SPEF2: variants seen among roughly 807,000 people sequenced by gnomAD.
SPEF2 encodes the protein sperm flagella and cilia-associated protein 2.
A neutral mutation model predicts 224.6 loss-of-function variants in SPEF2; 187 were observed. The observed-to-expected ratio is 0.83, with a 90% CI of 0.74 to 0.94. The LOEUF (loss-of-function observed/expected upper bound fraction) is 0.94. SPEF2 is among the 40% of genes least tolerant of loss of function. The pLI, the probability that SPEF2 is intolerant of heterozygous loss-of-function variation, is 0.00. For missense variants in SPEF2, 2,170 were observed against 2,135.6 expected (o/e 1.02, Z -0.32); for synonymous variants, 715 against 707.3 (o/e 1.01, Z -0.17).
At chr5:35,690,639 A>C (rs563806898) in intron 10 of SPEF2, among the ~76,000 whole-genome samples, 62 of 152,244 alleles carry the variant, frequency 4.1e-4, no homozygotes, top group Non-Finnish European at 6.8e-4. Context: ...GATGTTGAGC[A>C]TGAAAATTCT....
At chr5:35,796,968 A>G (rs1756754215) in intron 33 of SPEF2, among the ~76,000 whole-genome samples, 1 of 152,154 alleles carries the variant, frequency 6.6e-6, no homozygotes, top group African/African-American at 2.4e-5. Context: ...CTGAAAACCA[A>G]TTATCCTGGA....
intron 33 of SPEF2, 95 bp from the exon 34 acceptor site, chr5:35,799,873 T>G (rs547435866): frequency 1.4e-5 from 19 of 1,363,052 alleles, no homozygotes; most frequent in Non-Finnish European, 1.9e-5. Context: ...AAGGCAACCT[T>G]ATTCCAAAGC....
chr5:35,692,809 C>A, intron 12 of SPEF2, 85 bp downstream of exon 12: 1 of 1,348,898 alleles, frequency 7.4e-7, no homozygotes, highest in South Asian at 1.5e-5. Flanking sequence ...TTCTCTAGAC[C>A]AGAAGTTTCT....
intron 30 of SPEF2, chr5:35,788,707 C>A (rs1456024869): frequency 7.1e-6 from 5 of 702,992 alleles, no homozygotes; most frequent in East Asian, 2.7e-5. Flanking sequence ...AGGGAGAGAA[C>A]AACGAGGTGG....
chr5:35,752,278 A>G (rs1371296869), intron 23 of SPEF2, among the ~76,000 whole-genome samples: 2 of 151,916 alleles, frequency 1.3e-5, no homozygotes, highest in Admixed American at 6.6e-5. Context: ...CACATAATAA[A>G]TGTTTAGTGA....
intron 26 of SPEF2, among the ~76,000 whole-genome samples, chr5:35,769,827 A>G (rs981851165): frequency 6.6e-6 from 1 of 151,994 alleles, no homozygotes; most frequent in African/African-American, 2.4e-5. Context: ...TGCCTTATTC[A>G]TTTTTCTATT....
chr5:35,748,216 A>G (rs909241777), intron 23 of SPEF2, among the ~76,000 whole-genome samples: 2 of 152,130 alleles, frequency 1.3e-5, no homozygotes, highest in Non-Finnish European at 2.9e-5. Context: ...CTAAATGCCT[A>G]CATCAAAAAG....
intron 20 of SPEF2, among the ~76,000 whole-genome samples, chr5:35,725,079 G>GT (rs987524603): frequency 6.6e-6 from 1 of 152,186 alleles, no homozygotes; most frequent in Non-Finnish European, 1.5e-5. Flanking sequence ...TTTTTCAACC[G>GT]TGAGTTCTGA....
rs551666077 is a variant in SPEF2 at position 35,773,931 on chromosome 5, G to T, written c.3988G>T (p.Val1330Leu). 1 of 1,613,244 alleles carries T rather than the reference G, an allele frequency of 6.2e-7. No homozygotes were observed. Among genetic ancestry groups the T allele is most frequent in the Admixed American group, 1.7e-5 (1 of 59,902 alleles). The change falls in exon 28 of 37, where the codon GTA (valine) becomes TTA (leucine). Residue 1330 changes from valine to leucine, a missense_variant. Physicochemically the swap from Val to Leu is conservative, Grantham distance 32. Coordinates refer to ENST00000356031, the MANE Select transcript of SPEF2 (RefSeq NM_024867.4). ...TATGGCAGAAGCAACTCCTGTCATA[G>T]TAACAACAGAGGAAATTGCTGAAAT... The part of the protein sequence containing the change: ...PPMAEATPVI[V>L]TTEEIAEIKR...
chr5:35,794,324 C>A (rs73088230), intron 32 of SPEF2, among the ~76,000 whole-genome samples: 135 of 152,246 alleles, frequency 8.9e-4, no homozygotes, highest in African/African-American at 3.2e-3. Context: ...TTTCCAGGTG[C>A]CTGCATCTCA....
chr5:35,642,926 A>G (rs149569439), intron 3 of SPEF2, among the ~76,000 whole-genome samples: 1,863 of 152,234 alleles, frequency 0.012, 31 homozygotes, highest in East Asian at 0.066. Flanking sequence ...ATAATTTATT[A>G]TTGCATTCGG....
chr5:35,674,612 G>C lies in SPEF2; in HGVS notation c.1524+4385G>C, dbSNP rs751478619. Among the ~76,000 whole-genome samples, 4 of 143,004 alleles carry C rather than the reference G, an allele frequency of 2.8e-5. No homozygotes were observed. The East Asian group carries it at 8.3e-4, about 30-fold the overall frequency. The allele number at this position is 143,004 out of a possible 152,430, so 93.8% of individuals were successfully genotyped here. On this transcript the variant is annotated intron_variant, in intron 10 of 36. Coordinates refer to ENST00000356031, the MANE Select transcript of SPEF2 (RefSeq NM_024867.4). ...CTCATTGTTCAATTCCCACCTATGA[G>C]TGAGAACATGTGGTGTTTGGTTTTT... is the stretch of plus-strand genomic sequence containing the variant.
At position 35,806,693 on chromosome 5, in the gene SPEF2, A is replaced by G. The variant is rs568762680; in HGVS notation, c.5011-14A>G. Reference sequence around the variant, plus strand: ...TTCAGTTTAACTTCATGTTCTCTTCATTTAACTTTGCAGACCTCCTCAACT... The same window carrying G: ...TTCAGTTTAACTTCATGTTCTCTTCGTTTAACTTTGCAGACCTCCTCAACT... On this transcript the variant is annotated splice_polypyrimidine_tract_variant and intron_variant, in intron 34 of 36. Transcript: ENST00000356031. 9 of 1,600,628 alleles carry G rather than the reference A, an allele frequency of 5.6e-6. No homozygotes were observed. In the East Asian group the frequency reaches 1.8e-4, roughly 32 times the overall value.
At chr5:35,798,119 A>C (rs1756935013) in intron 33 of SPEF2, among the ~76,000 whole-genome samples, 1 of 152,136 alleles carries the variant, frequency 6.6e-6, no homozygotes, top group South Asian at 2.1e-4. Context: ...AATCAGCTTC[A>C]CCTAGATGAC....
chr5:35,623,932 A>G (rs1264956227), intron 1 of SPEF2, among the ~76,000 whole-genome samples: 1 of 152,168 alleles, frequency 6.6e-6, no homozygotes, highest in African/African-American at 2.4e-5. Flanking sequence ...TACTCTTATA[A>G]GGTAGACCCC....
At chr5:35,621,098 A>G (rs12515734) in intron 1 of SPEF2, among the ~76,000 whole-genome samples, 42,484 of 152,110 alleles carry the variant, frequency 0.28, 7,417 homozygotes, top group East Asian at 0.5. Flanking sequence ...AAGATGAAAG[A>G]TCAAAAGAAG....
chr5:35,655,207 A>G (rs1748800418), intron 7 of SPEF2, among the ~76,000 whole-genome samples: 1 of 152,162 alleles, frequency 6.6e-6, no homozygotes, highest in Admixed American at 6.5e-5. Flanking sequence ...ACTTTTAGGA[A>G]TACAGATTAT....
At chr5:35,720,373 T>A (rs796422059) in intron 20 of SPEF2, among the ~76,000 whole-genome samples, 26 of 152,370 alleles carry the variant, frequency 1.7e-4, no homozygotes, top group African/African-American at 5.8e-4. Flanking sequence ...CATTTAGTTC[T>A]TGCTTCACTT....
At chr5:35,760,852 G>A (rs1419560138) in intron 25 of SPEF2, among the ~76,000 whole-genome samples, 2 of 151,952 alleles carry the variant, frequency 1.3e-5, no homozygotes, top group African/African-American at 2.4e-5. Flanking sequence ...TTAAAATAAA[G>A]CAATTAAAAA....
Sources: gnomAD v4.1 joint callset for allele counts (sites outside exome capture counted in the v4.1 genomes callset) on GRCh38, gnomAD v4.1.1 for gene constraint, MANE v1.5 for transcripts, NCBI Gene and HGNC (gene_info 2026-07-23, HGNC 2026-07-21) for gene names.